The following ATXN7 variants were observed in gnomAD, a reference collection of about 807,000 sequenced individuals.
The protein encoded by ATXN7 is ataxin 7.
ATXN7 carries 12 observed loss-of-function variants against 70.5 expected under a neutral mutation model. That is an observed-to-expected ratio of 0.17 (90% confidence interval 0.11 to 0.28). The LOEUF is 0.28. ATXN7 is among the 10% of genes least tolerant of loss of function. The probability of loss-of-function intolerance (pLI) is 1.00; values close to 1 mark genes in which losing one functional copy is unlikely to be tolerated. For synonymous variants in ATXN7, 498 were observed against 448.7 expected (o/e 1.11, Z -1.39); for missense variants, 1,256 against 1,131.7 (o/e 1.11, Z -1.58).
intron 4 of ATXN7, among the ~76,000 whole-genome samples, chr3:63,920,057 A>G (rs1025315562): frequency 8.6e-5 from 13 of 152,024 alleles, no homozygotes; most frequent in Non-Finnish European, 1.6e-4. Flanking sequence ...CGGGGAAACA[A>G]ATCTGCATTT....
rs2074889074 is a variant in ATXN7 at position 63,947,848 on chromosome 3, C to A, written c.395-4531C>A. Among the ~76,000 whole-genome samples the A allele has an allele frequency of 2.6e-5, 4 of 152,060 alleles. No homozygotes were observed. The South Asian group carries it at 6.2e-4, about 24-fold the overall frequency. On this transcript the variant is annotated intron_variant, in intron 4 of 12. Coordinates refer to ENST00000674280, the MANE Select transcript of ATXN7 (RefSeq NM_001377405.1). ...TAGAGTCTGGCTGGGGAAAAGGTTT[C>A]TGGGTTTGAGGAGAGAAGGGAGGTC...
intron 5 of ATXN7, among the ~76,000 whole-genome samples, chr3:63,979,423 G>T (rs1324138189): frequency 6.6e-6 from 1 of 152,164 alleles, no homozygotes; most frequent in Non-Finnish European, 1.5e-5. Context: ...TCATCTGCTG[G>T]TGGGTAGTGA....
chr3:63,889,005 G>A (rs563725882), intron 1 of ATXN7, among the ~76,000 whole-genome samples: 16 of 152,064 alleles, frequency 1.1e-4, no homozygotes, highest in East Asian at 3.9e-4. Context: ...ATTTTTAAAC[G>A]AATATTTATT....
At chr3:63,940,493 C>T (rs188050781) in intron 4 of ATXN7, among the ~76,000 whole-genome samples, 1 of 152,168 alleles carries the variant, frequency 6.6e-6, no homozygotes, top group East Asian at 1.9e-4. Context: ...TGTGGTGTTG[C>T]AATGAACAAA....
intron 1 of ATXN7, among the ~76,000 whole-genome samples, chr3:63,886,717 G>C (rs1335160549): frequency 6.6e-6 from 1 of 152,286 alleles, no homozygotes; most frequent in South Asian, 2.1e-4. Flanking sequence ...ACTATGGCAA[G>C]GACAATAGTC....
intron 12 of ATXN7, chr3:63,997,812 T>C (rs530551427): frequency 2.2e-5 from 32 of 1,462,464 alleles, no homozygotes; most frequent in Non-Finnish European, 2.6e-5. Context: ...TAGTGTGATA[T>C]AATTTTCCTC....
intron 12 of ATXN7, chr3:63,998,853 T>C (rs1229623638): frequency 1.1e-5 from 3 of 262,250 alleles, no homozygotes; most frequent in African/African-American, 2.3e-5. Context: ...AAAACAAAAA[T>C]AACTGGGCTA....
At chr3:63,945,035 A>G (rs559580090) in intron 4 of ATXN7, among the ~76,000 whole-genome samples, 34 of 152,184 alleles carry the variant, frequency 2.2e-4, no homozygotes, top group Non-Finnish European at 3.2e-4. Context: ...TAAGTGATCC[A>G]CCCACCTCGG....
chr3:63,912,877 G>A lies in ATXN7; in HGVS notation c.279G>A (p.Gln93=), dbSNP rs201152899. The change falls in exon 3 of 13, where the codon CAG becomes CAA. Residue 93 remains glutamine (Q), a synonymous_variant. Coordinates refer to ENST00000674280, the MANE Select transcript of ATXN7 (RefSeq NM_001377405.1). ...CCAGTCCTGAAGTGATGCTGGGACA[G>A]TCGTGGAATCTGTGGGTTGAGGCTT... ...PLPSPEVMLG[Q]SWNLWVEASK... The A allele has an allele frequency of 7.4e-6, 12 of 1,613,386 alleles. No homozygotes were observed. The highest frequency in any genetic ancestry group is 2.2e-5 in the East Asian group (1 of 44,814).
chr3:63,945,740 G>C (rs2074848608), intron 4 of ATXN7, among the ~76,000 whole-genome samples: 1 of 152,216 alleles, frequency 6.6e-6, no homozygotes, highest in Non-Finnish European at 1.5e-5. Context: ...ACAGCTGGAT[G>C]AATGTTTACA....
intron 4 of ATXN7, among the ~76,000 whole-genome samples, chr3:63,937,233 C>T (rs1022946581): frequency 2.0e-5 from 3 of 152,098 alleles, no homozygotes; most frequent in Admixed American, 6.5e-5. Flanking sequence ...AATATGTTAA[C>T]AAAAATAAAA....
At chr3:63,986,099 G>A (rs1055480349) in intron 8 of ATXN7, among the ~76,000 whole-genome samples, 4 of 152,194 alleles carry the variant, frequency 2.6e-5, no homozygotes. Flanking sequence ...TGAGAGGGAT[G>A]GGAGAGGTAG....
chr3:63,992,169 C>T (rs897131017), intron 11 of ATXN7, among the ~76,000 whole-genome samples: 3 of 152,190 alleles, frequency 2.0e-5, no homozygotes, highest in African/African-American at 7.2e-5. Context: ...AGACGCTAGT[C>T]GGAGGCCTTG....
chr3:63,940,637 A>G (rs1277308016), intron 4 of ATXN7, among the ~76,000 whole-genome samples: 10 of 152,224 alleles, frequency 6.6e-5, no homozygotes, highest in Non-Finnish European at 1.3e-4. Flanking sequence ...AGACAGATAT[A>G]GACCGCAACT....
chr3:64,001,063 G>A lies in ATXN7; in HGVS notation c.*1596G>A, dbSNP rs1319348589. ...ACATTCTTTTTTTCCTACAGTTCTT[G>A]GGTTTCAAACTTCAGTTTCAGGGAA... On this transcript the variant is annotated 3_prime_UTR_variant, in exon 13 of 13. Coordinates refer to ENST00000674280, the MANE Select transcript of ATXN7 (RefSeq NM_001377405.1). 3 of 151,870 alleles carry A rather than the reference G, an allele frequency of 2.0e-5. No individual in the cohort carries two copies. The highest frequency in any genetic ancestry group is 1.5e-5 in the Non-Finnish European group (1 of 67,992). 9.4% of individuals were successfully genotyped at this position (151,870 alleles called of 1,614,324 possible).
In ATXN7 at chr3:63,990,319, A is replaced by C; in HGVS notation, c.1505A>C (p.Glu502Ala). The change falls in exon 10 of 13, where the codon GAG (glutamate) becomes GCG (alanine). Residue 502 changes from glutamate to alanine, a missense_variant. Physicochemically the swap from Glu to Ala is moderately radical, Grantham distance 107 (BLOSUM62 -1). Transcript: ENST00000674280. Reference sequence around the variant, plus strand: ...GAGGGCGAAGGCGATGACAAAGAAGAGTCTGTTGAAAAACTGGACTGTCAT... The same window carrying C: ...GAGGGCGAAGGCGATGACAAAGAAGCGTCTGTTGAAAAACTGGACTGTCAT... Reference protein sequence around the residue: ...SEEGEGDDKEESVEKLDCHYS... With the variant: ...SEEGEGDDKEASVEKLDCHYS... The C allele has an allele frequency of 1.2e-6, 2 of 1,614,104 alleles. No homozygotes were observed. Among genetic ancestry groups the C allele is most frequent in the Non-Finnish European group, 1.7e-6 (2 of 1,180,038 alleles).
intron 2 of ATXN7, among the ~76,000 whole-genome samples, chr3:63,900,160 C>T (rs1257191898): frequency 6.6e-6 from 1 of 152,140 alleles, no homozygotes; most frequent in Non-Finnish European, 1.5e-5. Context: ...AGTTAAGGTG[C>T]AGTTTAAGAT....
intron 2 of ATXN7, among the ~76,000 whole-genome samples, chr3:63,900,035 G>T (rs1453636408): frequency 6.6e-6 from 1 of 152,182 alleles, no homozygotes; most frequent in African/African-American, 2.4e-5. Context: ...AGTTAGCCAT[G>T]ATGATGCTGC....
At chr3:63,912,994 C>T in intron 3 of ATXN7, 71 bp downstream of exon 3, 6 of 1,281,264 alleles carry the variant, frequency 4.7e-6, no homozygotes, top group African/African-American at 3.1e-5. Flanking sequence ...CTCCCCCCTG[C>T]CCCCCTCCTG....
Sources: gnomAD v4.1 joint callset for allele counts (sites outside exome capture counted in the v4.1 genomes callset) on GRCh38, gnomAD v4.1.1 for gene constraint, MANE v1.5 for transcripts, NCBI Gene and HGNC (gene_info 2026-07-23, HGNC 2026-07-21) for gene names.